The following ADGRL2 variants were observed in gnomAD, a reference collection of about 807,000 sequenced individuals.
The protein encoded by ADGRL2 is calcium-independent alpha-latrotoxin receptor 2.
A neutral mutation model predicts 157.4 loss-of-function variants in ADGRL2; 44 were observed. That is an observed-to-expected ratio of 0.28 (90% CI 0.22 to 0.36). ADGRL2 has a LOEUF of 0.36. Ranked by LOEUF, ADGRL2 falls within the 10% of genes least tolerant of loss-of-function variation. The pLI, the probability that ADGRL2 is intolerant of heterozygous loss-of-function variation, is 1.00. For missense variants in ADGRL2, 1,510 were observed against 1,768.9 expected (o/e 0.85, Z 2.63); for synonymous variants, 585 against 624.7 (o/e 0.94, Z 0.95).
intron 1 of ADGRL2, among the ~76,000 whole-genome samples, chr1:81,346,014 T>C (rs780788487): frequency 2.6e-5 from 4 of 152,196 alleles, no homozygotes; most frequent in Non-Finnish European, 2.9e-5. Context: ...TGGCAAGATA[T>C]AGACAGCAAT....
chr1:81,413,042 T>C (rs1188103309), intron 1 of ADGRL2, among the ~76,000 whole-genome samples: 3 of 152,164 alleles, frequency 2.0e-5, no homozygotes, highest in Non-Finnish European at 4.4e-5. Flanking sequence ...TATATCAAAG[T>C]TTTTGGCTTG....
chr1:81,603,015 G>C (rs549649170), intron 3 of ADGRL2, among the ~76,000 whole-genome samples: 1 of 152,250 alleles, frequency 6.6e-6, no homozygotes, highest in African/African-American at 2.4e-5. Flanking sequence ...CGTGATGGTA[G>C]AAGGTCAATG....
chr1:81,524,468 C>CA (rs1205515264), intron 2 of ADGRL2, among the ~76,000 whole-genome samples: 1 of 152,120 alleles, frequency 6.6e-6, no homozygotes, highest in African/African-American at 2.4e-5. Flanking sequence ...TATACACATA[C>CA]ATGTGAAAAA....
chr1:81,845,464 T>C (rs1431314284), intron 2 of ADGRL2, among the ~76,000 whole-genome samples: 1 of 152,048 alleles, frequency 6.6e-6, no homozygotes, highest in African/African-American at 2.4e-5. Context: ...TATAAATCCA[T>C]GCACTTTACC....
At chr1:81,518,903 A>G (rs1050396525) in intron 2 of ADGRL2, among the ~76,000 whole-genome samples, 3 of 152,084 alleles carry the variant, frequency 2.0e-5, no homozygotes, top group African/African-American at 4.8e-5. Flanking sequence ...TGTTTGCTTT[A>G]TTAAGTTTAA....
intron 2 of ADGRL2, among the ~76,000 whole-genome samples, chr1:81,481,090 T>C (rs2078376920): frequency 6.6e-6 from 1 of 152,164 alleles, no homozygotes; most frequent in African/African-American, 2.4e-5. Context: ...ATAAAAATTG[T>C]TGTTCAGTGT....
chr1:81,747,769 G>C (rs996787321), intron 1 of ADGRL2, among the ~76,000 whole-genome samples: 13 of 151,808 alleles, frequency 8.6e-5, no homozygotes, highest in Non-Finnish European at 1.6e-4. Context: ...GTGAGAAAGA[G>C]ACAAAGTATG....
intron 2 of ADGRL2, among the ~76,000 whole-genome samples, chr1:81,772,083 C>G (rs1013903792): frequency 6.6e-6 from 1 of 151,910 alleles, no homozygotes; most frequent in African/African-American, 2.4e-5. Context: ...AACCCCGTCT[C>G]TACTAAAAAT....
At chr1:81,478,575 T>C (rs1418132535) in intron 2 of ADGRL2, among the ~76,000 whole-genome samples, 1 of 152,228 alleles carries the variant, frequency 6.6e-6, no homozygotes, top group African/African-American at 2.4e-5. Flanking sequence ...TTGTTTCAAG[T>C]CGCTGGTGTT....
intron 2 of ADGRL2, among the ~76,000 whole-genome samples, chr1:81,893,750 G>A (rs1276921769): frequency 1.3e-5 from 2 of 152,148 alleles, no homozygotes; most frequent in African/African-American, 2.4e-5. Flanking sequence ...CAGAAAAGTA[G>A]TATTACTTCT....
chr1:81,626,830 T>C (rs548281460), intron 3 of ADGRL2, among the ~76,000 whole-genome samples: 7 of 152,276 alleles, frequency 4.6e-5, no homozygotes, highest in African/African-American at 1.7e-4. Flanking sequence ...TATAAAAGCA[T>C]TTGTACCTAT....
At position 81,910,237 on chromosome 1, in the gene ADGRL2, T is replaced by TA. The variant is rs2094685025; in HGVS notation, c.287+3013dup. Among the ~76,000 whole-genome samples the TA allele has an allele frequency of 2.7e-4, 19 of 70,732 alleles. No homozygotes were observed. The South Asian group carries it at 0.015, about 56-fold the overall frequency. The allele number at this position is 70,732 out of a possible 152,430, so 46.4% of individuals were successfully genotyped here. On this transcript the variant is annotated intron_variant, in intron 3 of 23. Transcript: ENST00000686636. Reference sequence around the variant, plus strand: ...CTGGGCAACGGAGTGAGACTCTGCCTAAAAAACAATAATAATAATAATAAT... The same window carrying TA: ...CTGGGCAACGGAGTGAGACTCTGCCTAAAAAAACAATAATAATAATAATAAT...
intron 18 of ADGRL2, 38 bp downstream of exon 18, chr1:81,979,998 C>T: frequency 8.8e-7 from 1 of 1,129,992 alleles, no homozygotes; most frequent in South Asian, 1.3e-5. Context: ...ACTTGACAAA[C>T]TAAGTAAAAG....
intron 3 of ADGRL2, among the ~76,000 whole-genome samples, chr1:81,620,660 C>T (rs2081770125): frequency 6.6e-6 from 1 of 151,778 alleles, no homozygotes; most frequent in African/African-American, 2.4e-5. Flanking sequence ...TGTGATATAC[C>T]CAACAATCTG....
Position 81,855,457 on chromosome 1 carries a change from C to G in ADGRL2, c.73+18400C>G, listed in dbSNP as rs370941392. Among the ~76,000 whole-genome samples the G allele has an allele frequency of 3.3e-5, 5 of 152,118 alleles. 1 individual carries two copies. On this transcript the variant is annotated intron_variant, in intron 2 of 23. Transcript: ENST00000686636. ...CCCTGTCTCAAAAAAACCAAAAAAA[C>G]AAAACTAAACAAAATCAAGTCGGCA...
intron 1 of ADGRL2, among the ~76,000 whole-genome samples, chr1:81,404,775 C>T (rs1229061573): frequency 6.6e-6 from 1 of 152,176 alleles, no homozygotes; most frequent in East Asian, 1.9e-4. Flanking sequence ...TCATTTCTTA[C>T]TCTTCCTCTT....
chr1:81,526,135 G>A (rs2079449647), intron 2 of ADGRL2, among the ~76,000 whole-genome samples: 2 of 152,144 alleles, frequency 1.3e-5, no homozygotes, highest in South Asian at 2.1e-4. Flanking sequence ...GTAAAATTAA[G>A]CAGATTTGCA....
intron 2 of ADGRL2, among the ~76,000 whole-genome samples, chr1:81,883,645 A>G (rs1445600921): frequency 6.6e-6 from 1 of 152,194 alleles, no homozygotes; most frequent in African/African-American, 2.4e-5. Context: ...GATACTGCAC[A>G]GAACTTTTGT....
intron 2 of ADGRL2, among the ~76,000 whole-genome samples, chr1:81,879,606 ATTC>A (rs2093934596): frequency 6.6e-6 from 1 of 152,090 alleles, no homozygotes; most frequent in Non-Finnish European, 1.5e-5. Flanking sequence ...AATATTATTT[ATTC>A]TTCTTCTGAA....
Sources: gnomAD v4.1 joint callset for allele counts (sites outside exome capture counted in the v4.1 genomes callset) on GRCh38, gnomAD v4.1.1 for gene constraint, MANE v1.5 for transcripts, NCBI Gene and HGNC (gene_info 2026-07-23, HGNC 2026-07-21) for gene names.